EVI5: variants seen among roughly 807,000 people sequenced by gnomAD.
EVI5 encodes the protein ecotropic viral integration site 5 protein homolog.
Under a neutral mutation model 112.0 loss-of-function variants are expected in EVI5, and 73 were observed. That is an observed-to-expected ratio of 0.65 (90% CI 0.54 to 0.79). The LOEUF (loss-of-function observed/expected upper bound fraction) is 0.79, where lower values mean the gene tolerates loss of function less well. Ranked by LOEUF, EVI5 falls within the 30% of genes least tolerant of loss-of-function variation. The pLI is 0.00. For missense variants in EVI5, 900 were observed against 968.8 expected, an observed-to-expected ratio of 0.93 and a Z score of 0.94; for synonymous variants, 305 against 319.9, an observed-to-expected ratio of 0.95 and a Z score of 0.50.
At chr1:92,673,070 T>C (rs1666132030) in intron 10 of EVI5, among the ~76,000 whole-genome samples, 1 of 152,032 alleles carries the variant, frequency 6.6e-6, no homozygotes, top group South Asian at 2.1e-4. Context: ...TAAGGGGAAA[T>C]AATGCATGTA....
chr1:92,563,845 C>T, intron 18 of EVI5, 108 bp from the exon 19 acceptor site: 1 of 542,530 alleles, frequency 1.8e-6, no homozygotes, highest in South Asian at 3.1e-5. Flanking sequence ...CTTTAATCAC[C>T]TGAATTCTGA....
At chr1:92,582,800 T>C (rs1471460195) in intron 18 of EVI5, among the ~76,000 whole-genome samples, 2 of 98,540 alleles carry the variant, frequency 2.0e-5, no homozygotes, top group Non-Finnish European at 3.9e-5. Context: ...GTCATTTAAA[T>C]ATACATAAAA....
chr1:92,708,940 T>C (rs1672430086), intron 2 of EVI5, among the ~76,000 whole-genome samples: 1 of 152,114 alleles, frequency 6.6e-6, no homozygotes, highest in African/African-American at 2.4e-5. Context: ...AGGGTTGTAG[T>C]AGGAGTGAAG....
In EVI5 at chr1:92,621,311, T is replaced by C. The variant is rs1654518402; in HGVS notation, c.1827+2865A>G. On this transcript the variant is annotated intron_variant, in intron 16 of 19. Transcript: ENST00000684568. ...AACTATGAGACTAAATTGTTTTTAGTTTTTTGTTTTTCTTTGAGATGGAGT... is the reference window on the plus strand; with the variant it reads ...AACTATGAGACTAAATTGTTTTTAGCTTTTTGTTTTTCTTTGAGATGGAGT... 6.6e-5 allele frequency among the ~76,000 whole-genome samples: 10 copies of C among 152,266 alleles called. No homozygotes were observed. The South Asian group carries it at 1.9e-3, about 28-fold the overall frequency.
intron 18 of EVI5, among the ~76,000 whole-genome samples, chr1:92,589,715 C>T (rs1412185015): frequency 5.3e-5 from 8 of 152,166 alleles, no homozygotes. Context: ...CAAAAGGCAG[C>T]AGAAACCTCC....
chr1:92,757,808 A>G (rs1466569473), intron 1 of EVI5, among the ~76,000 whole-genome samples: 10 of 151,168 alleles, frequency 6.6e-5, no homozygotes, highest in African/African-American at 1.9e-4. Flanking sequence ...AGGCTGAGGC[A>G]TAAGAATCAC....
At chr1:92,632,504 C>T (rs757733805) in intron 14 of EVI5, among the ~76,000 whole-genome samples, 1 of 152,154 alleles carries the variant, frequency 6.6e-6, no homozygotes, top group East Asian at 1.9e-4. Flanking sequence ...GTTTGTATTT[C>T]TGTGGGATAG....
At chr1:92,706,444 T>C (rs1441289625) in intron 2 of EVI5, among the ~76,000 whole-genome samples, 1 of 152,256 alleles carries the variant, frequency 6.6e-6, no homozygotes, top group Non-Finnish European at 1.5e-5. Flanking sequence ...TTATTTGCCA[T>C]ACTTATTTAC....
intron 2 of EVI5, among the ~76,000 whole-genome samples, chr1:92,725,981 A>C (rs1014810595): frequency 2.0e-5 from 3 of 152,238 alleles, no homozygotes; most frequent in African/African-American, 7.2e-5. Context: ...GATGGGATTA[A>C]TAGCAACTTA....
intron 4 of EVI5, 103 bp from the exon 5 acceptor site, chr1:92,702,318 T>C: frequency 1.6e-6 from 1 of 612,974 alleles, no homozygotes; most frequent in East Asian, 3.4e-5. Flanking sequence ...AACATTTATT[T>C]TTGAGAAAAG....
intron 19 of EVI5, among the ~76,000 whole-genome samples, chr1:92,527,428 A>G (rs1320940156): frequency 1.4e-5 from 2 of 139,698 alleles, no homozygotes; most frequent in Non-Finnish European, 3.1e-5. Flanking sequence ...AAAAAAAAAA[A>G]AAAAAGAAAA....
At chr1:92,722,739 A>G (rs1040368183) in intron 2 of EVI5, among the ~76,000 whole-genome samples, 2 of 152,162 alleles carry the variant, frequency 1.3e-5, no homozygotes, top group Non-Finnish European at 2.9e-5. Context: ...AAACTTTCAG[A>G]ATCTACATAT....
intron 9 of EVI5, among the ~76,000 whole-genome samples, chr1:92,683,413 A>G (rs1667930917): frequency 6.6e-6 from 1 of 152,216 alleles, no homozygotes; most frequent in East Asian, 1.9e-4. Context: ...ATAGGTCACC[A>G]ACATCAAAGA....
chr1:92,729,995 T>C (rs950707352), intron 2 of EVI5, among the ~76,000 whole-genome samples: 11 of 152,078 alleles, frequency 7.2e-5, no homozygotes, highest in African/African-American at 2.7e-4. Flanking sequence ...AAACCATTAA[T>C]GATCATTTCA....
chr1:92,588,384 T>C (rs1305562659), intron 18 of EVI5, among the ~76,000 whole-genome samples: 1 of 152,230 alleles, frequency 6.6e-6, no homozygotes, highest in Non-Finnish European at 1.5e-5. Context: ...GACTTGCTCC[T>C]TATGTCAGGC....
chr1:92,714,349 T>C (rs903627669), intron 2 of EVI5, among the ~76,000 whole-genome samples: 2 of 152,198 alleles, frequency 1.3e-5, no homozygotes, highest in African/African-American at 4.8e-5. Flanking sequence ...TCATCTACAT[T>C]TGGGGAAGGG....
chr1:92,523,484 T>C (rs1661310812), intron 19 of EVI5, among the ~76,000 whole-genome samples: 1 of 152,162 alleles, frequency 6.6e-6, no homozygotes, highest in East Asian at 1.9e-4. Flanking sequence ...GTCCTTCAGA[T>C]TATTTTATCT....
intron 19 of EVI5, among the ~76,000 whole-genome samples, chr1:92,548,658 CAAAATCAATGTGCA>C (rs1666229013): frequency 6.7e-6 from 1 of 149,104 alleles, no homozygotes; most frequent in African/African-American, 2.5e-5. Context: ...TCTCAGGATA[CAAAATCAATGTGCA>C]AAAATCACAA....
At chr1:92,563,783 C>G in intron 18 of EVI5, 46 bp from the exon 19 acceptor site, 1 of 1,151,076 alleles carries the variant, frequency 8.7e-7, no homozygotes, top group Non-Finnish European at 1.3e-6. Context: ...GGCAATTTTT[C>G]ACAGCATGTA....
Sources: allele counts gnomAD v4.1 joint callset (sites outside exome capture counted in the v4.1 genomes callset), GRCh38; gene constraint gnomAD v4.1.1; transcripts MANE v1.5; gene names NCBI Gene and HGNC (gene_info 2026-07-23, HGNC 2026-07-21).